Variants in PCDHGA2 observed in about 807,000 individuals in gnomAD.
PCDHGA2 encodes protocadherin gamma subfamily A, 2, also known as protocadherin gamma-A2.
A neutral mutation model predicts 59.2 loss-of-function variants in PCDHGA2; 40 were observed. The observed-to-expected ratio is 0.68, with a 90% CI of 0.52 to 0.88. PCDHGA2 has a LOEUF of 0.88. Ranked by LOEUF, PCDHGA2 falls within the 40% of genes least tolerant of loss-of-function variation. The pLI is 0.00. For missense variants in PCDHGA2, 1,226 were observed against 1,204.0 expected, an observed-to-expected ratio of 1.02 and a Z score of -0.27; for synonymous variants, 560 against 526.0, an observed-to-expected ratio of 1.06 and a Z score of -0.89.
chr5:141,402,915 C>G (rs1232523303), intron 1 of PCDHGA2: 2 of 1,564,688 alleles, frequency 1.3e-6, no homozygotes, highest in Admixed American at 1.9e-5. Flanking sequence ...GCAGCGCGCA[C>G]AGAGATCCTT....
chr5:141,509,144 G>C (rs969990007), intron 3 of PCDHGA2, among the ~76,000 whole-genome samples: 14 of 152,114 alleles, frequency 9.2e-5, no homozygotes, highest in Admixed American at 2.0e-4. Context: ...GGCGCATCCC[G>C]GCTCTCCCCT....
At position 141,505,383 on chromosome 5, in the gene PCDHGA2, C is replaced by G. The variant is rs369765886; in HGVS notation, c.2484-10C>G. On this transcript the variant is annotated splice_polypyrimidine_tract_variant and intron_variant, in intron 2 of 3. Transcript: ENST00000394576. ...GGGAGTCTGTGCTCACCATCCTACT[C>G]TCTCCCCAGCTCCCAAAATGGCGAT... The G allele has an allele frequency of 6.2e-7, 1 of 1,613,944 alleles. No homozygotes were observed. The highest frequency in any genetic ancestry group is 1.3e-5 in the African/African-American group (1 of 74,914).
chr5:141,432,611 T>C lies in PCDHGA2; in HGVS notation c.2425-62196T>C, dbSNP rs141541670. On this transcript the variant is annotated intron_variant, in intron 1 of 3. Transcript: ENST00000394576. This position sits in a 1 kb window ranked among gnomAD's most constrained non-coding sequence, Gnocchi z 6.0. ...CAAGGCCAGCGAGCCGGGACTCTTC[T>C]CGGTGGGTCTGCACACGGGCGAGGT... The C allele has an allele frequency of 2.5e-6, 4 of 1,613,860 alleles. No homozygotes were observed. In the South Asian group the frequency reaches 4.4e-5, roughly 18 times the overall value.
intron 1 of PCDHGA2, chr5:141,407,996 TGG>T: frequency 1.1e-6 from 1 of 872,310 alleles, no homozygotes; most frequent in South Asian, 2.0e-5. Flanking sequence ...GCCTCTGGCC[TGG>T]GATTCCCTGC....
chr5:141,487,919 A>G lies in PCDHGA2; in HGVS notation c.2425-6888A>G, dbSNP rs548678238. ...ATGGAATGTGGGAGCACAGGAGGCTACAGTGCACAGGGTACAGTGCACCAG... is the reference window on the plus strand; with the variant it reads ...ATGGAATGTGGGAGCACAGGAGGCTGCAGTGCACAGGGTACAGTGCACCAG... On this transcript the variant is annotated intron_variant, in intron 1 of 3. Transcript: ENST00000394576. The surrounding 1 kb of genome is among the most constrained non-coding windows in gnomAD (Gnocchi z 5.0). 23 of 644,878 alleles carry G rather than the reference A, an allele frequency of 3.6e-5. No individual in the cohort carries two copies. Among genetic ancestry groups the G allele is most frequent in the Non-Finnish European group, 5.6e-5 (21 of 374,374 alleles). 39.9% of individuals were successfully genotyped at this position (644,878 alleles called of 1,614,324 possible). A position where few individuals can be genotyped will look rare whatever the true frequency, so the allele number is the denominator to read the frequency against.
chr5:141,487,688 G>T lies in PCDHGA2; in HGVS notation c.2425-7119G>T, dbSNP rs376927186. ...AGGCATATGGCTAGGCCATGTCCTAGAGAGTACTGGCCTCTCAGTAAGTGC... is the reference window on the plus strand; with the variant it reads ...AGGCATATGGCTAGGCCATGTCCTATAGAGTACTGGCCTCTCAGTAAGTGC... On this transcript the variant is annotated intron_variant, in intron 1 of 3. Coordinates refer to ENST00000394576, the MANE Select transcript of PCDHGA2 (RefSeq NM_018915.4). The surrounding 1 kb of genome is among the most constrained non-coding windows in gnomAD (Gnocchi z 5.0). 1.2e-6 allele frequency: 2 copies of T among 1,604,966 alleles called. No individual in the cohort carries two copies.
rs140056243 is a variant in PCDHGA2 at position 141,487,386 on chromosome 5, G to A, written c.2425-7421G>A. 21 of 1,614,046 alleles carry A rather than the reference G, an allele frequency of 1.3e-5. No individual in the cohort carries two copies. The highest frequency in any genetic ancestry group is 4.0e-5 in the African/African-American group (3 of 74,920). On this transcript the variant is annotated intron_variant, in intron 1 of 3. Coordinates refer to ENST00000394576, the MANE Select transcript of PCDHGA2 (RefSeq NM_018915.4). The surrounding 1 kb of genome is among the most constrained non-coding windows in gnomAD (Gnocchi z 5.0). Reference sequence around the variant, plus strand: ...ACCTGTGCCTGTCTCACCAGATCTCGAAGGAGGGAGGGGCTTCCCCCTTCC... The same window carrying A: ...ACCTGTGCCTGTCTCACCAGATCTCAAAGGAGGGAGGGGCTTCCCCCTTCC...
rs771124496 is a variant in PCDHGA2, at chr5:141,489,457, C to T, written c.2425-5350C>T. The T allele has an allele frequency of 1.2e-5, 19 of 1,613,882 alleles. No homozygotes were observed. The highest frequency in any genetic ancestry group is 6.7e-5 in the African/African-American group (5 of 74,896). Reference sequence around the variant, plus strand: ...GCAATTGGGCTCTGAGGAGAATGGGCGCTATTTTTCCCTGAGCTTGATGAG... The same window carrying T: ...GCAATTGGGCTCTGAGGAGAATGGGTGCTATTTTTCCCTGAGCTTGATGAG... On this transcript the variant is annotated intron_variant, in intron 1 of 3. Coordinates refer to ENST00000394576, the MANE Select transcript of PCDHGA2 (RefSeq NM_018915.4). The surrounding 1 kb of genome is among the most constrained non-coding windows in gnomAD (Gnocchi z 4.5).
chr5:141,394,926 C>T, intron 1 of PCDHGA2: 2 of 1,613,844 alleles, frequency 1.2e-6, no homozygotes, highest in Non-Finnish European at 1.7e-6. Context: ...CTGTGTCTTC[C>T]TCGCCTTTGT....
At chr5:141,452,000 A>G (rs2098730428) in intron 1 of PCDHGA2, among the ~76,000 whole-genome samples, 1 of 152,198 alleles carries the variant, frequency 6.6e-6, no homozygotes, top group Admixed American at 6.5e-5. Flanking sequence ...AAGCAAAATC[A>G]CTTGGTCCAG....
Position 141,476,437 on chromosome 5 carries a change from T to C in PCDHGA2, c.2425-18370T>C, listed in dbSNP as rs1260141259. The C allele has an allele frequency of 6.2e-7, 1 of 1,614,004 alleles. No homozygotes were observed. Among genetic ancestry groups the C allele is most frequent in the East Asian group, 2.2e-5 (1 of 44,836 alleles). ...GGACACTGCCCTCTTGCACTGTAAC[T>C]CTGGAGTTGGTAGTGGAGAACCCGC... On this transcript the variant is annotated intron_variant, in intron 1 of 3. Transcript: ENST00000394576. This position sits in a 1 kb window ranked among gnomAD's most constrained non-coding sequence, Gnocchi z 7.6.
intron 1 of PCDHGA2, among the ~76,000 whole-genome samples, chr5:141,368,535 T>C (rs1765706037): frequency 6.6e-6 from 1 of 152,178 alleles, no homozygotes; most frequent in South Asian, 2.1e-4. Context: ...AAAACTTGCT[T>C]TTCCATTTTT....
intron 1 of PCDHGA2, chr5:141,408,214 C>G (rs1225368283): frequency 1.3e-6 from 2 of 1,555,192 alleles, no homozygotes; most frequent in Admixed American, 2.0e-5. Context: ...TGGGAGGGAG[C>G]TGCGCGCAGA....
chr5:141,357,443 C>CT, intron 1 of PCDHGA2: 1 of 1,614,222 alleles, frequency 6.2e-7, no homozygotes, highest in South Asian at 1.1e-5. Context: ...GGGGTTCGGG[C>CT]TTTCCTGCAG....
intron 1 of PCDHGA2, chr5:141,364,279 G>A: frequency 1.3e-6 from 2 of 1,515,964 alleles, no homozygotes; most frequent in Non-Finnish European, 1.8e-6. Flanking sequence ...AGATAAATAA[G>A]GAAACAGCAG....
chr5:141,493,340 T>C lies in PCDHGA2; in HGVS notation c.2425-1467T>C, dbSNP rs889623993. Among the ~76,000 whole-genome samples, 1 of 152,202 alleles carries C rather than the reference T, an allele frequency of 6.6e-6. No homozygotes were observed. Among genetic ancestry groups the C allele is most frequent in the Admixed American group, 6.5e-5 (1 of 15,288 alleles). Reference sequence around the variant, plus strand: ...TTCTAACCCCTGTCTAACTCCAGAATGTGTGCTTTTAATTTCTTGGCACTT... The same window carrying C: ...TTCTAACCCCTGTCTAACTCCAGAACGTGTGCTTTTAATTTCTTGGCACTT... On this transcript the variant is annotated intron_variant, in intron 1 of 3. Coordinates refer to ENST00000394576, the MANE Select transcript of PCDHGA2 (RefSeq NM_018915.4). The surrounding 1 kb of genome is among the most constrained non-coding windows in gnomAD (Gnocchi z 4.3).
rs1452697214 is a variant in PCDHGA2 at position 141,476,552 on chromosome 5, G to T, written c.2425-18255G>T. ...CCAGGAAATGAAATTGGAGATTAGC[G>T]AGGCCGTGGCTCCGGGGACGCGCTT... On this transcript the variant is annotated intron_variant, in intron 1 of 3. Transcript: ENST00000394576. The surrounding 1 kb of genome is among the most constrained non-coding windows in gnomAD (Gnocchi z 7.6). 6.2e-7 allele frequency: 1 copy of T among 1,614,210 alleles called. No individual in the cohort carries two copies. The highest frequency in any genetic ancestry group is 2.2e-5 in the East Asian group (1 of 44,872).
intron 1 of PCDHGA2, chr5:141,365,077 G>T (rs1048742374): frequency 6.2e-6 from 10 of 1,613,724 alleles, no homozygotes; most frequent in Non-Finnish European, 8.5e-6. Context: ...AGTACAGCGT[G>T]AGTGTTCCAG....
At chr5:141,395,169 G>A in intron 1 of PCDHGA2, 3 of 1,614,020 alleles carry the variant, frequency 1.9e-6, no homozygotes, top group Non-Finnish European at 2.5e-6. Flanking sequence ...GGAGGGCTGT[G>A]AGAAAAATGA....
Sources: gnomAD v4.1 joint callset for allele counts (sites outside exome capture counted in the v4.1 genomes callset) on GRCh38, gnomAD v4.1.1 for gene constraint, Gnocchi (gnomAD v3.1) non-coding constraint, MANE v1.5 for transcripts, NCBI Gene and HGNC (gene_info 2026-07-23, HGNC 2026-07-21) for gene names.